The following TGOLN2 variants were observed in gnomAD, a reference collection of about 807,000 sequenced individuals.
TGOLN2 encodes trans-golgi network protein 2.
Under a neutral mutation model 31.3 loss-of-function variants are expected in TGOLN2, and 19 were observed. The observed-to-expected ratio is 0.61, with a 90% CI of 0.42 to 0.89. The LOEUF is 0.89. Among genes scored for constraint, TGOLN2 ranks in the 40% least tolerant of loss-of-function variants. The pLI, the probability that TGOLN2 is intolerant of heterozygous loss-of-function variation, is 0.00. For missense variants in TGOLN2, 540 were observed against 559.2 expected (o/e 0.97, Z 0.35); for synonymous variants, 222 against 226.7 (o/e 0.98, Z 0.19).
chr2:85,325,827 T>G (rs1682712102), intron 2 of TGOLN2, among the ~76,000 whole-genome samples: 1 of 152,238 alleles, frequency 6.6e-6, no homozygotes, highest in Admixed American at 6.5e-5. Context: ...TTTATAGCCA[T>G]AGGCCTTATG....
chr2:85,324,665 T>C, intron 3 of TGOLN2: 1 of 531,914 alleles, frequency 1.9e-6, no homozygotes, highest in Non-Finnish European at 3.3e-6. Context: ...CGTGGGCCTA[T>C]TTCCTCATCT....
Position 85,327,570 on chromosome 2 carries a change from G to A in TGOLN2, c.162C>T (p.Thr54=), listed in dbSNP as rs1242924473. 1.9e-6 allele frequency: 3 copies of A among 1,614,084 alleles called. No individual in the cohort carries two copies. In the South Asian group the frequency reaches 3.3e-5, roughly 18 times the overall value. ...GAGTCTGCGGCTCCGGATGCGACTT[G>A]GTAGAGCCTCCAGGCCGTTGGCTCA... is the stretch of plus-strand genomic sequence containing the variant. ...PSLSQRPGGS[T]KSHPEPQTPK... Residue 54 remains threonine, a synonymous_variant, in exon 2 of 4, where the codon ACC becomes ACT. Transcript: ENST00000377386.
Position 85,325,041 on chromosome 2 carries a change from A to G in TGOLN2, c.1225-43T>C, listed in dbSNP as rs1463442305. The G allele has an allele frequency of 2.0e-6, 3 of 1,537,452 alleles. 1 individual carries two copies. The South Asian group carries it at 3.6e-5, about 18-fold the overall frequency. Reference sequence around the variant, plus strand: ...AAAATGATTAACAGGTGGCTCTGTAATGACATAGTTCAGTCTCTGAACTCA... The same window carrying G: ...AAAATGATTAACAGGTGGCTCTGTAGTGACATAGTTCAGTCTCTGAACTCA... On this transcript the variant is annotated intron_variant, in intron 2 of 3. Coordinates refer to ENST00000377386, the MANE Select transcript of TGOLN2 (RefSeq NM_006464.4).
Position 85,326,844 on chromosome 2 carries a change from G to C in TGOLN2, c.888C>G (p.Thr296=), listed in dbSNP as rs757520753. 132 of 1,613,872 alleles carry C rather than the reference G, an allele frequency of 8.2e-5. No homozygotes were observed. The highest frequency in any genetic ancestry group is 1.1e-4 in the Non-Finnish European group (131 of 1,179,904). Residue 296 remains threonine (T), a synonymous_variant, in exon 2 of 4, where the codon ACC becomes ACG. Coordinates refer to ENST00000377386, the MANE Select transcript of TGOLN2 (RefSeq NM_006464.4). ...KGKLSPHAFK[T]ESGEETDLIS... Reference sequence around the variant, plus strand: ...TGAGGTCAGTTTCCTCCCCAGATTCGGTTTTGAAAGCATGAGGAGAAAGCT... The same window carrying C: ...TGAGGTCAGTTTCCTCCCCAGATTCCGTTTTGAAAGCATGAGGAGAAAGCT...
chr2:85,327,159 G>A lies in TGOLN2; in HGVS notation c.573C>T (p.Asp191=). 4 of 1,613,816 alleles carry A rather than the reference G, an allele frequency of 2.5e-6. No homozygotes were observed. The highest frequency in any genetic ancestry group is 3.4e-6 in the Non-Finnish European group (4 of 1,179,866). ...CCTCCGCACCCGACTTGCTGGAGCC[G>A]TCTTTTGGGGTCTGGCCGTCCGCAC... is the stretch of plus-strand genomic sequence containing the variant. ...KSGADGQTPK[D]GSSKSGAEDQ... Residue 191 remains aspartate, a synonymous_variant, in exon 2 of 4, where the codon GAC becomes GAT. Coordinates refer to ENST00000377386, the MANE Select transcript of TGOLN2 (RefSeq NM_006464.4).
At chr2:85,324,873 T>C (rs1682677892) in intron 3 of TGOLN2, 42 bp downstream of exon 3, 1 of 1,529,532 alleles carries the variant, frequency 6.5e-7, no homozygotes, top group Non-Finnish European at 8.9e-7. Context: ...ACGTTGCCTA[T>C]CCCTCCTATC....
At chr2:85,323,453 C>T (rs1573046854) in intron 3 of TGOLN2, among the ~76,000 whole-genome samples, 1 of 152,064 alleles carries the variant, frequency 6.6e-6, no homozygotes, top group Non-Finnish European at 1.5e-5. Flanking sequence ...GTAATCCCAC[C>T]TACTCGGGAG....
In TGOLN2 at chr2:85,327,031, C is replaced by T; in HGVS notation, c.701G>A (p.Gly234Glu). The T allele has an allele frequency of 1.2e-6, 2 of 1,612,982 alleles. No individual in the cohort carries two copies. Among genetic ancestry groups the T allele is most frequent in the East Asian group, 2.2e-5 (1 of 44,788 alleles). Residue 234 changes from glycine to glutamate, a missense_variant, in exon 2 of 4, where the codon GGG (glycine) becomes GAG (glutamate). By Grantham distance (98) the Gly-to-Glu change is moderately conservative. Transcript: ENST00000377386. ...CTCCTCCGCACCCGACTTGCTGGGC[C>T]CGTCTATTGGGCCCTGCTCCTCTGC... ...SGAEEQGPID[G>E]PSKSGAEEQT...
chr2:85,327,134 C>T lies in TGOLN2; in HGVS notation c.598G>A (p.Asp200Asn), dbSNP rs780782747. 1.2e-6 allele frequency: 2 copies of T among 1,613,618 alleles called. No individual in the cohort carries two copies. The highest frequency in any genetic ancestry group is 3.3e-5 in the Admixed American group (2 of 60,004). Residue 200 changes from aspartate to asparagine, a missense_variant, in exon 2 of 4, where the codon GAT becomes AAT. Transcript: ENST00000377386. ...TTAGGGACGTCTTTTGGGGTCTGAT[C>T]CTCCGCACCCGACTTGCTGGAGCCG... is the stretch of plus-strand genomic sequence containing the variant. ...KDGSSKSGAE[D>N]QTPKDVPNKS...
intron 2 of TGOLN2, 111 bp from the exon 3 acceptor site, chr2:85,325,109 T>C (rs970298859): frequency 5.2e-6 from 5 of 959,402 alleles, no homozygotes; most frequent in African/African-American, 1.6e-5. Flanking sequence ...ACCCTGACTG[T>C]AGAAAGAGCA....
chr2:85,327,850 G>A, intron 1 of TGOLN2, 67 bp downstream of exon 1: 4 of 1,566,928 alleles, frequency 2.6e-6, no homozygotes, highest in Non-Finnish European at 3.5e-6. Context: ...CGAGCCTAGA[G>A]GTGACCTGCC....
At position 85,322,517 on chromosome 2, in the gene TGOLN2, G is replaced by A; in HGVS notation, c.*219C>T. The A allele has an allele frequency of 1.2e-6, 1 of 855,610 alleles. No individual in the cohort carries two copies. The highest frequency in any genetic ancestry group is 1.8e-6 in the Non-Finnish European group (1 of 565,404). 53.0% of individuals were successfully genotyped at this position (855,610 alleles called of 1,614,324 possible). ...AATGTCACCAAAGTGCAGGTGCAAA[G>A]CCCAAAGCAGCCCCCTACCTCTGCC... On this transcript the variant is annotated 3_prime_UTR_variant, in exon 4 of 4. Coordinates refer to ENST00000377386, the MANE Select transcript of TGOLN2 (RefSeq NM_006464.4).
At position 85,321,680 on chromosome 2, in the gene TGOLN2, C is replaced by T. The variant is rs567257653; in HGVS notation, c.*1056G>A. On this transcript the variant is annotated 3_prime_UTR_variant, in exon 4 of 4. Coordinates refer to ENST00000377386, the MANE Select transcript of TGOLN2 (RefSeq NM_006464.4). Reference sequence around the variant, plus strand: ...TATCAGATTAAAGGACCATTAAATACACTGAGGTAAAATTGGCAGAGAGTA... The same window carrying T: ...TATCAGATTAAAGGACCATTAAATATACTGAGGTAAAATTGGCAGAGAGTA... The T allele has an allele frequency of 6.6e-6, 1 of 152,342 alleles. No individual in the cohort carries two copies. Among genetic ancestry groups the T allele is most frequent in the East Asian group, 1.9e-4 (1 of 5,186 alleles). 9.4% of individuals were successfully genotyped at this position (152,342 alleles called of 1,614,324 possible).
chr2:85,326,173 G>A (rs1040698775), intron 2 of TGOLN2, among the ~76,000 whole-genome samples: 1 of 152,284 alleles, frequency 6.6e-6, no homozygotes, highest in African/African-American at 2.4e-5. Context: ...TGGAAGGTAC[G>A]TGCTTTAACT....
chr2:85,325,318 G>C (rs1049685370), intron 2 of TGOLN2, among the ~76,000 whole-genome samples: 1 of 152,062 alleles, frequency 6.6e-6, no homozygotes, highest in Non-Finnish European at 1.5e-5. Context: ...AGATATCTAG[G>C]ATATAGGACA....
At chr2:85,324,573 T>G (rs17026212) in intron 3 of TGOLN2, 224,781 of 404,496 alleles carry the variant, frequency 0.56, 65,183 homozygotes, top group East Asian at 0.86. Flanking sequence ...ACTGGGAGAC[T>G]AGGGAGTTGC....
intron 2 of TGOLN2, among the ~76,000 whole-genome samples, chr2:85,326,124 A>C (rs988879113): frequency 1.3e-5 from 2 of 152,180 alleles, no homozygotes; most frequent in East Asian, 3.9e-4. Flanking sequence ...TGGGAAAGGA[A>C]GCTAGAAATG....
rs139028057 is a variant in TGOLN2, at chr2:85,322,472, T to C, written c.*264A>G. ...AACGGATGGAAGCCACCAGCATAAA[T>C]AAAGGGAACACAGAAGAACAATGTC... On this transcript the variant is annotated 3_prime_UTR_variant, in exon 4 of 4. Transcript: ENST00000377386. 6,518 of 588,482 alleles carry C rather than the reference T, an allele frequency of 0.011. 57 individuals carry two copies. The highest frequency in any genetic ancestry group is 0.036 in the Middle Eastern group (83 of 2,300). The allele number at this position is 588,482 out of a possible 1,614,324, so 36.5% of individuals were successfully genotyped here.
Position 85,322,723 on chromosome 2 carries a change from A to G in TGOLN2, c.*13T>C. The stretch of plus-strand genomic sequence containing the variant: ...GTGACGTTCATCTTTTTCCAGAGGA[A>G]TATACCATTCTGTTAGGACTTAGGG... On this transcript the variant is annotated 3_prime_UTR_variant, in exon 4 of 4. Transcript: ENST00000377386. The G allele has an allele frequency of 1.9e-6, 3 of 1,612,116 alleles. No homozygotes were observed. Among genetic ancestry groups the G allele is most frequent in the Non-Finnish European group, 2.5e-6 (3 of 1,179,530 alleles).
Sources: allele counts gnomAD v4.1 joint callset (sites outside exome capture counted in the v4.1 genomes callset), GRCh38; gene constraint gnomAD v4.1.1; transcripts MANE v1.5; gene names NCBI Gene and HGNC (gene_info 2026-07-23, HGNC 2026-07-21).